FAP: variants seen among roughly 807,000 people sequenced by gnomAD.
FAP encodes the protein fibroblast activation protein alpha, also known as prolyl endopeptidase FAP.
FAP carries 110 observed loss-of-function variants against 126.5 expected under a neutral mutation model. The observed-to-expected ratio is 0.87, with a 90% CI of 0.74 to 1.02. The LOEUF is 1.02. FAP is among the 50% of genes least tolerant of loss of function. The pLI, the probability that FAP is intolerant of heterozygous loss-of-function variation, is 0.00. For synonymous variants in FAP, 334 were observed against 297.3 expected (o/e 1.12, Z -1.27); for missense variants, 919 against 909.2 (o/e 1.01, Z -0.14).
chr2:162,242,857 C>T (rs1419162906), intron 2 of FAP, 51 bp downstream of exon 2: 3 of 1,394,068 alleles, frequency 2.2e-6, no homozygotes, highest in South Asian at 2.4e-5. Context: ...TGCATTAGTA[C>T]ATTTTCCAAG....
chr2:162,202,253 G>T (rs534727165), intron 14 of FAP, among the ~76,000 whole-genome samples: 24 of 152,324 alleles, frequency 1.6e-4, no homozygotes, highest in African/African-American at 5.5e-4. Context: ...GACTGAAGAG[G>T]AAAGAACTGT....
chr2:162,223,573 G>C, intron 6 of FAP, 35 bp downstream of exon 6: 1 of 1,290,870 alleles, frequency 7.7e-7, no homozygotes, highest in Non-Finnish European at 1.1e-6. Flanking sequence ...CTAGGTATTA[G>C]ATTTAAGTAG....
At chr2:162,184,480 T>C (rs556885092) in intron 20 of FAP, among the ~76,000 whole-genome samples, 1 of 152,336 alleles carries the variant, frequency 6.6e-6, no homozygotes, top group East Asian at 1.9e-4. Context: ...CAGCAACCAT[T>C]TCGCTCTTGC....
intron 25 of FAP, 118 bp from the exon 26 acceptor site, chr2:162,171,198 G>T: frequency 3.0e-6 from 2 of 671,336 alleles, no homozygotes; most frequent in East Asian, 2.7e-5. Context: ...CTGTACCTAA[G>T]AACACTCAAA....
chr2:162,185,297 A>T (rs1687827768), intron 20 of FAP, among the ~76,000 whole-genome samples: 1 of 152,188 alleles, frequency 6.6e-6, no homozygotes, highest in Non-Finnish European at 1.5e-5. Flanking sequence ...TATTTTAGAA[A>T]TATTCTTATT....
Position 162,243,319 on chromosome 2 carries a change from A to C in FAP, c.6+3T>G, listed in dbSNP as rs1333274535. On this transcript the variant is annotated splice_donor_region_variant and intron_variant, in intron 1 of 25. Coordinates refer to ENST00000188790, the MANE Select transcript of FAP (RefSeq NM_004460.5). ...AAGAATACTTGAGGTTGCTTATACT[A>C]ACCTTCATTTTTCCAGATGTTTTTG... 1 of 1,607,482 alleles carries C rather than the reference A, an allele frequency of 6.2e-7. No homozygotes were observed. The highest frequency in any genetic ancestry group is 2.2e-5 in the East Asian group (1 of 44,784).
chr2:162,179,188 A>C (rs769480185), intron 21 of FAP, among the ~76,000 whole-genome samples: 4 of 151,988 alleles, frequency 2.6e-5, no homozygotes, highest in Non-Finnish European at 5.9e-5. Context: ...GTGGAGGAAT[A>C]AGGAATTGTG....
Position 162,173,173 on chromosome 2 carries a change from G to C in FAP, c.2083C>G (p.Leu695Val). 1.2e-6 allele frequency: 2 copies of C among 1,613,108 alleles called. No individual in the cohort carries two copies. The highest frequency in any genetic ancestry group is 1.7e-6 in the Non-Finnish European group (2 of 1,179,222). ...CCATCTGCTGTTCCGTGGATGAGAAGATAGTCTACATTTCTGAAATATTCT... is the reference window on the plus strand; with the variant it reads ...CCATCTGCTGTTCCGTGGATGAGAACATAGTCTACATTTCTGAAATATTCT... ...RAEYFRNVDY[L>V]LIHGTADDNV... The change falls in exon 24 of 26, where the codon CTT becomes GTT. Residue 695 changes from leucine (L) to valine (V), a missense_variant. Physicochemically the swap from Leu to Val is conservative, Grantham distance 32. Transcript: ENST00000188790.
At chr2:162,234,508 T>C (rs1164478920) in intron 2 of FAP, among the ~76,000 whole-genome samples, 1 of 152,176 alleles carries the variant, frequency 6.6e-6, no homozygotes, top group Non-Finnish European at 1.5e-5. Context: ...CAAACAAGAT[T>C]GTGTTATCTG....
rs756892596 is a variant in FAP at position 162,171,116 on chromosome 2, C to A, written c.2182-36G>T. On this transcript the variant is annotated intron_variant, in intron 25 of 25. Coordinates refer to ENST00000188790, the MANE Select transcript of FAP (RefSeq NM_004460.5). ...AAGAAAAAAGCTTGTTTTATTCCTG[C>A]AGTCATCAAATGCATTTAGCTTGGA... 5.2e-6 allele frequency: 8 copies of A among 1,551,154 alleles called. No homozygotes were observed. In the East Asian group the frequency reaches 1.3e-4, roughly 26 times the overall value.
chr2:162,173,641 C>G, intron 23 of FAP, 82 bp downstream of exon 23: 4 of 954,560 alleles, frequency 4.2e-6, no homozygotes, highest in Middle Eastern at 3.0e-4. Flanking sequence ...AGAATTAAAA[C>G]TGTAAATTCT....
intron 1 of FAP, 128 bp from the exon 2 acceptor site, chr2:162,243,120 C>T (rs1206053973): frequency 3.3e-5 from 28 of 842,512 alleles, no homozygotes; most frequent in South Asian, 2.3e-4. Context: ...TCCACTGATC[C>T]GGCTATAATT....
chr2:162,217,878 A>G (rs1689214040), intron 9 of FAP, 108 bp downstream of exon 9: 1 of 778,150 alleles, frequency 1.3e-6, no homozygotes, highest in Non-Finnish European at 2.0e-6. Context: ...TACAATGCTC[A>G]AGGATAAGAA....
chr2:162,198,117 A>T (rs1171027651), intron 16 of FAP: 20 of 1,193,494 alleles, frequency 1.7e-5, no homozygotes, highest in Non-Finnish European at 2.1e-5. Flanking sequence ...TGTCCTAAAC[A>T]ACCAGGAAAT....
At chr2:162,212,721 T>C (rs184822164) in intron 11 of FAP, among the ~76,000 whole-genome samples, 1 of 152,336 alleles carries the variant, frequency 6.6e-6, no homozygotes, top group African/African-American at 2.4e-5. Context: ...GATTATTCTA[T>C]ATTTGTTTTA....
At chr2:162,205,156 A>T (rs1688655548) in intron 12 of FAP, among the ~76,000 whole-genome samples, 1 of 152,198 alleles carries the variant, frequency 6.6e-6, no homozygotes, top group South Asian at 2.1e-4. Context: ...GTGCTGCCTG[A>T]TTTATGAATT....
In FAP at chr2:162,242,929, T is replaced by C. The variant is rs1249881942; in HGVS notation, c.70A>G (p.Ile24Val). Residue 24 changes from isoleucine (I) to valine (V), a missense_variant, in exon 2 of 26, where the codon ATT (isoleucine) becomes GTT (valine). Coordinates refer to ENST00000188790, the MANE Select transcript of FAP (RefSeq NM_004460.5). ...SAVLALLVMCIVLRPSRVHNS... is the reference protein window; with the variant it reads ...SAVLALLVMCVVLRPSRVHNS... ...TTACCTCTTGAAGGGCGTAAGACAA[T>C]GCACATCACCAATAAGGCAAGCACA... The C allele has an allele frequency of 6.2e-7, 1 of 1,613,114 alleles. No individual in the cohort carries two copies. The highest frequency in any genetic ancestry group is 8.5e-7 in the Non-Finnish European group (1 of 1,179,406).
At chr2:162,224,592 T>A in intron 4 of FAP, 52 bp from the exon 5 acceptor site, 1 of 1,117,312 alleles carries the variant, frequency 9.0e-7, no homozygotes, top group Non-Finnish European at 1.3e-6. Flanking sequence ...CAAAGAACCA[T>A]GTAAATTTGT....
At chr2:162,208,408 A>T (rs1434433643) in intron 12 of FAP, among the ~76,000 whole-genome samples, 1 of 152,182 alleles carries the variant, frequency 6.6e-6, no homozygotes, top group African/African-American at 2.4e-5. Context: ...ATGCATTCTA[A>T]AGTGTTTCAG....
Sources: gnomAD v4.1 joint callset for allele counts (sites outside exome capture counted in the v4.1 genomes callset) on GRCh38, gnomAD v4.1.1 for gene constraint, MANE v1.5 for transcripts, NCBI Gene and HGNC (gene_info 2026-07-23, HGNC 2026-07-21) for gene names.